The following TRIM44 variants were observed in gnomAD, a reference collection of about 807,000 sequenced individuals.
TRIM44 encodes the protein tripartite motif containing 44.
Under a neutral mutation model 37.4 loss-of-function variants are expected in TRIM44, and 13 were observed. That is an observed-to-expected ratio of 0.35 (90% CI 0.23 to 0.55). TRIM44 has a LOEUF of 0.55. Ranked by LOEUF, TRIM44 falls within the 20% of genes least tolerant of loss-of-function variation. TRIM44 has a pLI of 0.89. For synonymous variants in TRIM44, 175 were observed against 157.2 expected, an observed-to-expected ratio of 1.11 and a Z score of -0.85; for missense variants, 426 against 437.2, an observed-to-expected ratio of 0.97 and a Z score of 0.23.
chr11:35,793,717 G>C (rs1007855766), intron 4 of TRIM44, among the ~76,000 whole-genome samples: 1 of 152,116 alleles, frequency 6.6e-6, no homozygotes, highest in Non-Finnish European at 1.5e-5. Context: ...AATGCAGCCA[G>C]CTGATGTCAC....
chr11:35,708,775 G>C (rs1228748636), intron 2 of TRIM44, among the ~76,000 whole-genome samples: 6 of 151,940 alleles, frequency 3.9e-5, no homozygotes, highest in African/African-American at 1.5e-4. Context: ...GTGTGGGGAG[G>C]AGGGAGGGAG....
chr11:35,753,778 C>G (rs1256257966), intron 4 of TRIM44, among the ~76,000 whole-genome samples: 3 of 151,654 alleles, frequency 2.0e-5, no homozygotes, highest in Admixed American at 2.0e-4. Context: ...CAGCAGGTTG[C>G]AGCGCAGTGG....
intron 1 of TRIM44, among the ~76,000 whole-genome samples, chr11:35,676,253 G>T (rs1411047528): frequency 6.6e-6 from 1 of 152,138 alleles, no homozygotes; most frequent in Non-Finnish European, 1.5e-5. Context: ...CTCAGCAATG[G>T]GTTGCTCTTA....
At chr11:35,736,998 C>T (rs1375402718) in intron 4 of TRIM44, among the ~76,000 whole-genome samples, 3 of 152,126 alleles carry the variant, frequency 2.0e-5, no homozygotes, top group Non-Finnish European at 2.9e-5. Flanking sequence ...GAGAGGCGAA[C>T]ATGTAACTGG....
intron 4 of TRIM44, among the ~76,000 whole-genome samples, chr11:35,759,505 A>G (rs1852694071): frequency 6.6e-6 from 1 of 152,118 alleles, no homozygotes; most frequent in African/African-American, 2.4e-5. Flanking sequence ...CAACTCGTCA[A>G]AGTCATTCTC....
At chr11:35,796,932 G>A (rs1027320856) in intron 4 of TRIM44, among the ~76,000 whole-genome samples, 2 of 152,320 alleles carry the variant, frequency 1.3e-5, no homozygotes, top group East Asian at 1.9e-4. Context: ...TATTGGCAAG[G>A]GTGTGGGGAA....
intron 2 of TRIM44, among the ~76,000 whole-genome samples, chr11:35,699,991 G>A (rs1191590841): frequency 6.6e-6 from 1 of 152,124 alleles, no homozygotes; most frequent in Non-Finnish European, 1.5e-5. Flanking sequence ...TCATGGGTAG[G>A]AAGAATCAAT....
At chr11:35,665,709 C>CTCAGCCA (rs893869380) in intron 1 of TRIM44, among the ~76,000 whole-genome samples, 33 of 150,798 alleles carry the variant, frequency 2.2e-4, no homozygotes, top group African/African-American at 7.6e-4. Flanking sequence ...ATTCTCCTGC[C>CTCAGCCA]TCAGCCATCT....
chr11:35,713,586 G>A (rs763961874), intron 2 of TRIM44, among the ~76,000 whole-genome samples: 11 of 151,018 alleles, frequency 7.3e-5, no homozygotes, highest in Non-Finnish European at 1.5e-4. Context: ...CTATAAAGGA[G>A]GACTAATCAT....
chr11:35,739,926 C>A (rs968192379), intron 4 of TRIM44, among the ~76,000 whole-genome samples: 2 of 151,934 alleles, frequency 1.3e-5, no homozygotes, highest in Non-Finnish European at 2.9e-5. Context: ...TGGTGAAACC[C>A]CGTCTCTATG....
intron 4 of TRIM44, among the ~76,000 whole-genome samples, chr11:35,759,979 C>T (rs1045952515): frequency 6.6e-6 from 1 of 152,248 alleles, no homozygotes; most frequent in African/African-American, 2.4e-5. Flanking sequence ...GTTCTCAGAT[C>T]TCCAGCTGCA....
At chr11:35,682,061 C>G (rs761948485) in intron 1 of TRIM44, among the ~76,000 whole-genome samples, 7 of 149,196 alleles carry the variant, frequency 4.7e-5, no homozygotes, top group Admixed American at 6.8e-5. Context: ...CAGGTTCAGG[C>G]GATTCTCCTG....
intron 2 of TRIM44, among the ~76,000 whole-genome samples, chr11:35,712,409 T>G (rs908674686): frequency 3.3e-5 from 5 of 152,120 alleles, no homozygotes; most frequent in African/African-American, 7.2e-5. Flanking sequence ...GCTACTGAGA[T>G]TCTTCACTCC....
Position 35,809,882 on chromosome 11 carries a change from C to G in TRIM44, c.*3497C>G, listed in dbSNP as rs1790792345. On this transcript the variant is annotated 3_prime_UTR_variant, in exon 5 of 5. Coordinates refer to ENST00000299413, the MANE Select transcript of TRIM44 (RefSeq NM_017583.6). ...ATATGTATATACATACATACATGTCCGCACACACACACACAATATTTGAGA... is the reference window on the plus strand; with the variant it reads ...ATATGTATATACATACATACATGTCGGCACACACACACACAATATTTGAGA... The G allele has an allele frequency of 9.4e-6, 1 of 106,706 alleles. No homozygotes were observed. The highest frequency in any genetic ancestry group is 3.2e-5 in the African/African-American group (1 of 30,942). 6.6% of individuals were successfully genotyped at this position (106,706 alleles called of 1,614,324 possible). A position where few individuals can be genotyped will look rare whatever the true frequency, so the allele number is the denominator to read the frequency against.
intron 2 of TRIM44, among the ~76,000 whole-genome samples, chr11:35,706,336 A>G (rs894654405): frequency 6.6e-6 from 1 of 152,152 alleles, no homozygotes; most frequent in Non-Finnish European, 1.5e-5. Flanking sequence ...CAGAGGTACA[A>G]GGAGTAAATG....
chr11:35,750,612 C>T (rs1414077561), intron 4 of TRIM44, among the ~76,000 whole-genome samples: 2 of 152,166 alleles, frequency 1.3e-5, no homozygotes, highest in Non-Finnish European at 1.5e-5. Flanking sequence ...AACCCCATCA[C>T]ATAAATGTAA....
intron 3 of TRIM44, among the ~76,000 whole-genome samples, chr11:35,732,705 G>T (rs561130207): frequency 1.3e-5 from 2 of 152,276 alleles, no homozygotes; most frequent in South Asian, 4.1e-4. Flanking sequence ...AAGAAGTTTC[G>T]AGTAAGGCTT....
chr11:35,695,982 G>A (rs556910839), intron 2 of TRIM44, among the ~76,000 whole-genome samples: 48 of 151,066 alleles, frequency 3.2e-4, no homozygotes, highest in African/African-American at 1.1e-3. Context: ...GCCCTCTGTA[G>A]CATTTCAGTG....
At chr11:35,755,835 G>T (rs1852629992) in intron 4 of TRIM44, among the ~76,000 whole-genome samples, 1 of 152,186 alleles carries the variant, frequency 6.6e-6, no homozygotes, top group African/African-American at 2.4e-5. Flanking sequence ...CGTTATTTCT[G>T]AGGGTTCTGT....
Sources: allele counts gnomAD v4.1 joint callset (sites outside exome capture counted in the v4.1 genomes callset), GRCh38; gene constraint gnomAD v4.1.1; transcripts MANE v1.5; gene names NCBI Gene and HGNC (gene_info 2026-07-23, HGNC 2026-07-21).